The following PALLD variants were observed in gnomAD, a reference collection of about 807,000 sequenced individuals.
The protein encoded by PALLD is palladin, cytoskeletal associated protein, also known as palladin.
Under a neutral mutation model 123.5 loss-of-function variants are expected in PALLD, and 61 were observed. The ratio of observed to expected loss-of-function variants is 0.49; its 90% CI spans 0.40 to 0.61. PALLD has a LOEUF of 0.61. PALLD is among the 20% of genes least tolerant of loss of function. The pLI is 0.00. For synonymous variants in PALLD, 465 were observed against 496.4 expected, an observed-to-expected ratio of 0.94 and a Z score of 0.84; for missense variants, 1,273 against 1,377.0, an observed-to-expected ratio of 0.92 and a Z score of 1.20.
At chr4:168,811,146 A>G (rs1321207016) in intron 10 of PALLD, among the ~76,000 whole-genome samples, 1 of 152,224 alleles carries the variant, frequency 6.6e-6, no homozygotes, top group Non-Finnish European at 1.5e-5. Context: ...GCACCCAAAA[A>G]ACTAATAAGA....
intron 2 of PALLD, 146 bp from the exon 3 acceptor site, chr4:168,668,044 T>G (rs986004735): frequency 2.9e-6 from 2 of 689,328 alleles, no homozygotes; most frequent in African/African-American, 3.5e-5. Context: ...TTGTAGAGTT[T>G]CCATTAGTAA....
At chr4:168,670,775 C>CAAAAAAAAAA (rs112589264) in intron 3 of PALLD, among the ~76,000 whole-genome samples, 4 of 100,204 alleles carry the variant, frequency 4.0e-5, no homozygotes, top group Admixed American at 1.0e-4. Context: ...CAAAAAAAAA[C>CAAAAAAAAAA]AAAAAAAAAA....
chr4:168,645,458 A>G (rs538918409), intron 2 of PALLD, among the ~76,000 whole-genome samples: 2 of 152,282 alleles, frequency 1.3e-5, no homozygotes, highest in East Asian at 3.9e-4. Context: ...GGGCGGCAAT[A>G]TCAAGTAGTG....
At chr4:168,539,670 A>T (rs945526128) in intron 2 of PALLD, among the ~76,000 whole-genome samples, 3 of 152,246 alleles carry the variant, frequency 2.0e-5, no homozygotes, top group African/African-American at 7.2e-5. Context: ...TTCTTTTCAT[A>T]GTTAATTTAT....
intron 10 of PALLD, among the ~76,000 whole-genome samples, chr4:168,758,968 A>T (rs1390856467): frequency 6.6e-6 from 1 of 151,548 alleles, no homozygotes; most frequent in East Asian, 2.0e-4. Context: ...TGAGGTCAGG[A>T]GTTCAAGACC....
intron 10 of PALLD, among the ~76,000 whole-genome samples, chr4:168,849,031 C>T (rs751165216): frequency 6.6e-6 from 1 of 152,088 alleles, no homozygotes; most frequent in Non-Finnish European, 1.5e-5. Flanking sequence ...TTAAAAAATT[C>T]GTTAAAAAAG....
chr4:168,513,443 A>C (rs1454226965), intron 2 of PALLD, among the ~76,000 whole-genome samples: 1 of 152,164 alleles, frequency 6.6e-6, no homozygotes, highest in Admixed American at 6.5e-5. Context: ...CTGAGCAAAA[A>C]TGTTAAGGGG....
rs1205890819 is a variant in PALLD at position 168,925,413 on chromosome 4, CAT to C, written c.*32+136_*32+137del. ...GGCAAAGGCATAACCATGTTTTTCA[CAT>C]GTTCTTGTTACTGTGTTCTGCAAAT... On this transcript the variant is annotated intron_variant, in intron 21 of 21. Coordinates refer to ENST00000505667, the MANE Select transcript of PALLD (RefSeq NM_001166108.2). 1.8e-4 allele frequency: 132 copies of C among 743,230 alleles called. 1 individual carries two copies. In the East Asian group the frequency reaches 3.2e-3, roughly 18 times the overall value. The allele number at this position is 743,230 out of a possible 1,614,324, so 46.0% of individuals were successfully genotyped here. A position where few individuals can be genotyped will look rare whatever the true frequency, so the allele number is the denominator to read the frequency against.
At position 168,823,783 on chromosome 4, in the gene PALLD, G is replaced by A. The variant is rs558122058; in HGVS notation, c.1965-67139G>A. 2.4e-4 allele frequency among the ~76,000 whole-genome samples: 37 copies of A among 152,292 alleles called. No homozygotes were observed. In the South Asian group the frequency reaches 3.1e-3, roughly 13 times the overall value. On this transcript the variant is annotated intron_variant, in intron 10 of 21. Coordinates refer to ENST00000505667, the MANE Select transcript of PALLD (RefSeq NM_001166108.2). ...CAGGGCTGCTTATGTAGGGGCCTTC[G>A]TTCATAATATGACAACGAAGCAGGT...
chr4:168,601,104 T>TTA, intron 2 of PALLD, among the ~76,000 whole-genome samples: 1 of 150,132 alleles, frequency 6.7e-6, no homozygotes, highest in Admixed American at 6.6e-5. Flanking sequence ...GGCTCTTCTT[T>TTA]AAAAAAAAAA....
chr4:168,676,821 C>T (rs1443609323), intron 3 of PALLD, among the ~76,000 whole-genome samples: 2 of 151,754 alleles, frequency 1.3e-5, no homozygotes, highest in South Asian at 2.1e-4. Context: ...CCTTGTGATC[C>T]GCCCACCTCG....
chr4:168,617,520 A>G (rs2710852), intron 2 of PALLD, among the ~76,000 whole-genome samples: 124,047 of 151,990 alleles, frequency 0.82, 50,762 homozygotes, highest in Admixed American at 0.88. Flanking sequence ...CCAGTCAAGC[A>G]GTAGGAAGAT....
At chr4:168,654,174 A>T (rs1221971916) in intron 2 of PALLD, among the ~76,000 whole-genome samples, 1 of 152,154 alleles carries the variant, frequency 6.6e-6, no homozygotes, top group Admixed American at 6.5e-5. Flanking sequence ...AACGATTATA[A>T]TTTCCTGCAA....
rs1488088422 is a variant in PALLD at position 168,898,508 on chromosome 4, A to G, written c.2266A>G (p.Ser756Gly). Residue 756 changes from serine to glycine, a missense_variant, in exon 14 of 22, where the codon AGC (serine) becomes GGC (glycine). Coordinates refer to ENST00000505667, the MANE Select transcript of PALLD (RefSeq NM_001166108.2). ...LDGQKEYKVS[S>G]CEQRLISEIE... ...CTTGATTCAGGAATACAAAGTCTCC[A>G]GCTGTGAACAGAGACTCATCAGTGA... 12 of 1,611,276 alleles carry G rather than the reference A, an allele frequency of 7.4e-6. No individual in the cohort carries two copies. Among genetic ancestry groups the G allele is most frequent in the Non-Finnish European group, 1.0e-5 (12 of 1,177,502 alleles).
At chr4:168,588,413 T>A (rs562691869) in intron 2 of PALLD, among the ~76,000 whole-genome samples, 1 of 151,374 alleles carries the variant, frequency 6.6e-6, no homozygotes, top group African/African-American at 2.4e-5. Context: ...TACTTTTTAT[T>A]TTTTTTTTGA....
At chr4:168,655,878 C>A (rs966741422) in intron 2 of PALLD, among the ~76,000 whole-genome samples, 26 of 152,328 alleles carry the variant, frequency 1.7e-4, no homozygotes, top group African/African-American at 6.0e-4. Context: ...AAAGAACTAA[C>A]TGCTGGGCAT....
At chr4:168,760,286 C>T (rs1732645229) in intron 10 of PALLD, among the ~76,000 whole-genome samples, 1 of 151,036 alleles carries the variant, frequency 6.6e-6, no homozygotes, top group Non-Finnish European at 1.5e-5. Flanking sequence ...CGTTTGTGAA[C>T]TTGTGATCCT....
intron 2 of PALLD, among the ~76,000 whole-genome samples, chr4:168,569,813 C>T (rs1373352990): frequency 2.0e-5 from 3 of 152,086 alleles, no homozygotes; most frequent in Non-Finnish European, 2.9e-5. Flanking sequence ...TTGACCACAC[C>T]CTTCATTAAC....
In PALLD at chr4:168,878,297, A is replaced by G. The variant is rs62333013; in HGVS notation, c.1965-12625A>G. The G allele has an allele frequency of 0.61, 934,610 of 1,525,872 alleles. 295,098 individuals are homozygous for G. Among genetic ancestry groups the G allele is most frequent in the South Asian group, 0.66 (55,078 of 82,926 alleles). 94.5% of individuals were successfully genotyped at this position (1,525,872 alleles called of 1,614,324 possible). A position where few individuals can be genotyped will look rare whatever the true frequency, so the allele number is the denominator to read the frequency against. On this transcript the variant is annotated intron_variant, in intron 10 of 21. Transcript: ENST00000505667. ...GTCGCCTGCCACCCGCTTCGGCCACAGCCAGACGCCCGCGGCCTTCCTCAG... is the reference window on the plus strand; with the variant it reads ...GTCGCCTGCCACCCGCTTCGGCCACGGCCAGACGCCCGCGGCCTTCCTCAG...
Sources: allele counts gnomAD v4.1 joint callset (sites outside exome capture counted in the v4.1 genomes callset), GRCh38; gene constraint gnomAD v4.1.1; transcripts MANE v1.5; gene names NCBI Gene and HGNC (gene_info 2026-07-23, HGNC 2026-07-21).